Variants in PLCB1 observed in about 807,000 individuals in gnomAD.
The protein encoded by PLCB1 is phospholipase C beta 1.
PLCB1 carries 46 observed loss-of-function variants against 161.8 expected under a neutral mutation model. That is an observed-to-expected ratio of 0.28 (90% CI 0.22 to 0.36). The LOEUF (loss-of-function observed/expected upper bound fraction) is 0.36. Among genes scored for constraint, PLCB1 ranks in the 10% least tolerant of loss-of-function variants. The pLI is 1.00. For missense variants in PLCB1, 1,016 were observed against 1,472.5 expected, an observed-to-expected ratio of 0.69 and a Z score of 5.07; for synonymous variants, 517 against 503.7, an observed-to-expected ratio of 1.03 and a Z score of -0.35.
chr20:8,561,749 C>T (rs552273729), intron 3 of PLCB1, among the ~76,000 whole-genome samples: 6 of 152,096 alleles, frequency 3.9e-5, no homozygotes, highest in Admixed American at 2.6e-4. Context: ...AATAAGTCTT[C>T]TTTATACCCT....
intron 2 of PLCB1, among the ~76,000 whole-genome samples, chr20:8,314,279 A>G (rs1277654636): frequency 6.6e-6 from 1 of 152,192 alleles, no homozygotes; most frequent in Non-Finnish European, 1.5e-5. Flanking sequence ...TAGGCCATTC[A>G]TATTTACTAC....
chr20:8,455,048 G>A (rs1981239177), intron 3 of PLCB1, among the ~76,000 whole-genome samples: 1 of 146,570 alleles, frequency 6.8e-6, no homozygotes, highest in Non-Finnish European at 1.5e-5. Flanking sequence ...ATGAGTACTA[G>A]TTGGCCGGGC....
intron 7 of PLCB1, among the ~76,000 whole-genome samples, chr20:8,656,075 G>A (rs1192267326): frequency 6.6e-6 from 1 of 152,032 alleles, no homozygotes; most frequent in Non-Finnish European, 1.5e-5. Context: ...GACCGCTTGT[G>A]CTTATTTCAA....
intron 2 of PLCB1, among the ~76,000 whole-genome samples, chr20:8,173,708 C>T (rs1024739021): frequency 6.6e-6 from 1 of 152,132 alleles, no homozygotes; most frequent in Non-Finnish European, 1.5e-5. Flanking sequence ...AATTTTAAAG[C>T]AGCCACCATA....
At chr20:8,340,008 A>G (rs923409743) in intron 2 of PLCB1, among the ~76,000 whole-genome samples, 2 of 152,206 alleles carry the variant, frequency 1.3e-5, no homozygotes, top group Non-Finnish European at 2.9e-5. Context: ...TTCAATCATT[A>G]ATGCCTATAA....
chr20:8,785,808 A>G (rs1983455908), intron 27 of PLCB1, among the ~76,000 whole-genome samples: 1 of 152,226 alleles, frequency 6.6e-6, no homozygotes, highest in Admixed American at 6.5e-5. Flanking sequence ...GAAACAGCAC[A>G]TGTGAGCAGA....
intron 18 of PLCB1, among the ~76,000 whole-genome samples, chr20:8,730,542 A>G (rs1273213432): frequency 6.6e-6 from 1 of 151,726 alleles, no homozygotes; most frequent in Non-Finnish European, 1.5e-5. Flanking sequence ...CTTTACTACT[A>G]TTAATTTTCA....
chr20:8,651,630 A>G (rs1989324721), intron 7 of PLCB1: 2 of 628,098 alleles, frequency 3.2e-6, no homozygotes, highest in Admixed American at 2.5e-5. Flanking sequence ...GCCCATAGGC[A>G]TTGAGAATAT....
At chr20:8,764,673 A>G (rs1425260253) in intron 25 of PLCB1, among the ~76,000 whole-genome samples, 1 of 152,074 alleles carries the variant, frequency 6.6e-6, no homozygotes, top group Non-Finnish European at 1.5e-5. Context: ...AATATGCAAG[A>G]AGCTTGCCTT....
intron 2 of PLCB1, among the ~76,000 whole-genome samples, chr20:8,321,566 A>G (rs1984921313): frequency 6.6e-6 from 1 of 152,192 alleles, no homozygotes; most frequent in African/African-American, 2.4e-5. Context: ...TTCTGATAAC[A>G]AGCCAAAGAG....
chr20:8,188,135 A>T (rs140253264), intron 2 of PLCB1, among the ~76,000 whole-genome samples: 91 of 152,238 alleles, frequency 6.0e-4, no homozygotes, highest in Non-Finnish European at 1.1e-3. Flanking sequence ...GGTCTTCCCA[A>T]CATGTGTTTG....
chr20:8,662,675 C>A (rs905007559), intron 9 of PLCB1, among the ~76,000 whole-genome samples: 3 of 149,986 alleles, frequency 2.0e-5, no homozygotes, highest in Non-Finnish European at 3.0e-5. Flanking sequence ...ATCACCTGAG[C>A]CGTTGTTAAA....
intron 3 of PLCB1, among the ~76,000 whole-genome samples, chr20:8,534,709 T>TA (rs1488263842): frequency 6.6e-6 from 1 of 152,180 alleles, no homozygotes; most frequent in Non-Finnish European, 1.5e-5. Context: ...CTATTCCTGA[T>TA]ACAAAGCAAC....
chr20:8,295,394 A>G (rs1489071830), intron 2 of PLCB1, among the ~76,000 whole-genome samples: 1 of 152,114 alleles, frequency 6.6e-6, no homozygotes, highest in Non-Finnish European at 1.5e-5. Flanking sequence ...AAATTTTGTA[A>G]CTTTCATGTT....
chr20:8,869,574 T>C (rs1166603058), intron 31 of PLCB1, among the ~76,000 whole-genome samples: 1 of 152,204 alleles, frequency 6.6e-6, no homozygotes, highest in Non-Finnish European at 1.5e-5. Context: ...TCATTTCATG[T>C]CAAGGCCACA....
chr20:8,868,329 CGTT>C (rs1987497080), intron 31 of PLCB1, among the ~76,000 whole-genome samples: 1 of 152,090 alleles, frequency 6.6e-6, no homozygotes, highest in African/African-American at 2.4e-5. Flanking sequence ...TGAGGGTCCT[CGTT>C]GTTTTCCATA....
At chr20:8,772,611 G>A (rs1982745727) in intron 26 of PLCB1, among the ~76,000 whole-genome samples, 1 of 152,254 alleles carries the variant, frequency 6.6e-6, no homozygotes, top group Admixed American at 6.5e-5. Flanking sequence ...ATGCCTTTAT[G>A]CCCTGGTTAC....
intron 2 of PLCB1, among the ~76,000 whole-genome samples, chr20:8,323,566 T>C (rs1276758731): frequency 2.0e-5 from 3 of 152,088 alleles, no homozygotes; most frequent in African/African-American, 4.8e-5. Context: ...TTCAGGATAG[T>C]AGGGCTTCTC....
intron 3 of PLCB1, among the ~76,000 whole-genome samples, chr20:8,503,166 A>G (rs572758724): frequency 6.6e-4 from 101 of 152,308 alleles, no homozygotes; most frequent in Non-Finnish European, 1.2e-3. Flanking sequence ...AAAGGCCACC[A>G]GTAGGAGTAG....
Sources: allele counts gnomAD v4.1 joint callset (sites outside exome capture counted in the v4.1 genomes callset), GRCh38; gene constraint gnomAD v4.1.1; transcripts MANE v1.5; gene names NCBI Gene and HGNC (gene_info 2026-07-23, HGNC 2026-07-21).